CAST: variants seen among roughly 807,000 people sequenced by gnomAD.
CAST encodes MIR583 host.
CAST carries 76 observed loss-of-function variants against 119.6 expected under a neutral mutation model. The ratio of observed to expected loss-of-function variants is 0.64; its 90% confidence interval spans 0.53 to 0.77. CAST has a LOEUF of 0.77. Ranked by LOEUF, CAST falls within the 30% of genes least tolerant of loss-of-function variation. The pLI is 0.00. For synonymous variants in CAST, 319 were observed against 331.6 expected (o/e 0.96, Z 0.41); for missense variants, 953 against 946.5 (o/e 1.01, Z -0.09).
the CAST span, among the ~76,000 whole-genome samples, chr5:95,982,260 C>T: frequency 6.6e-6 from 1 of 152,002 alleles, no homozygotes; most frequent in Admixed American, 6.5e-5. Flanking sequence ...AGCTCTAATA[C>T]TGTTAACTAC....
chr5:96,581,383 T>A (rs1239184527), intron 1 of CAST, among the ~76,000 whole-genome samples: 1 of 152,128 alleles, frequency 6.6e-6, no homozygotes, highest in Non-Finnish European at 1.5e-5. Flanking sequence ...AAAAGTTTGA[T>A]AAAATCCAGT....
upstream of CAST, among the ~76,000 whole-genome samples, chr5:96,522,136 G>A (rs1745528284): frequency 1.3e-5 from 2 of 152,042 alleles, no homozygotes; most frequent in South Asian, 2.1e-4. Context: ...AATGACTAGA[G>A]AAAGGTCAAA....
chr5:96,661,419 G>GAAAAAA (rs34922511), upstream of CAST, among the ~76,000 whole-genome samples: 1 of 88,372 alleles, frequency 1.1e-5, no homozygotes. Flanking sequence ...TGCCTCTCCA[G>GAAAAAA]AAAAAAAAAA....
chr5:96,660,604 G>T (rs1236835569), upstream of CAST, among the ~76,000 whole-genome samples: 4 of 152,120 alleles, frequency 2.6e-5, no homozygotes, highest in African/African-American at 9.7e-5. Flanking sequence ...GTACTCCAGG[G>T]ATCTAAAACC....
chr5:96,686,109 AC>A (rs1752049998), intron 2 of CAST, among the ~76,000 whole-genome samples: 1 of 152,190 alleles, frequency 6.6e-6, no homozygotes, highest in African/African-American at 2.4e-5. Flanking sequence ...GGGATCAGTT[AC>A]TGATACTATT....
At chr5:96,724,759 G>A (rs1758951162) in intron 4 of CAST, among the ~76,000 whole-genome samples, 2 of 152,046 alleles carry the variant, frequency 1.3e-5, no homozygotes, top group Admixed American at 1.3e-4. Flanking sequence ...GGAGATCAAG[G>A]CTGCAGCAAG....
At chr5:96,659,048 G>A (rs750825715), upstream of CAST, among the ~76,000 whole-genome samples, 6 of 152,214 alleles carry the variant, frequency 3.9e-5, no homozygotes, top group Non-Finnish European at 7.3e-5. Flanking sequence ...AGAACAGCCA[G>A]TTGGTGGAGC....
the CAST span, among the ~76,000 whole-genome samples, chr5:96,010,042 A>G: frequency 6.6e-6 from 1 of 152,182 alleles, no homozygotes; most frequent in Non-Finnish European, 1.5e-5. Flanking sequence ...CCGTTTATTG[A>G]ATAGAGAATC....
At chr5:96,372,561 A>G in the CAST span, among the ~76,000 whole-genome samples, 1 of 152,200 alleles carries the variant, frequency 6.6e-6, no homozygotes, top group East Asian at 1.9e-4. Flanking sequence ...ATGTAATACC[A>G]TGGGACTTAG....
the CAST span, among the ~76,000 whole-genome samples, chr5:95,997,962 G>GT: frequency 0.12 from 13,398 of 109,258 alleles, 771 homozygotes; most frequent in East Asian, 0.3. Context: ...TTTGAGAGAG[G>GT]GTTTTTTTTT....
intron 1 of CAST, among the ~76,000 whole-genome samples, chr5:96,633,003 C>T (rs1211016541): frequency 6.6e-6 from 1 of 152,098 alleles, no homozygotes; most frequent in Non-Finnish European, 1.5e-5. Context: ...CAGAATTTTG[C>T]TCTAGTTGCC....
intron 16 of CAST, among the ~76,000 whole-genome samples, chr5:96,746,111 C>T (rs975928530): frequency 1.1e-4 from 16 of 152,198 alleles, no homozygotes; most frequent in Non-Finnish European, 1.9e-4. Context: ...GGGAGCAGAA[C>T]AGGGCAGTTG....
chr5:96,680,709 T>A (rs956629534), intron 2 of CAST, among the ~76,000 whole-genome samples: 3 of 152,220 alleles, frequency 2.0e-5, no homozygotes, highest in African/African-American at 7.2e-5. Flanking sequence ...GCATTTAATG[T>A]TCATTATTTT....
At chr5:95,971,985 G>C in the CAST span, among the ~76,000 whole-genome samples, 1 of 148,560 alleles carries the variant, frequency 6.7e-6, no homozygotes, top group Non-Finnish European at 1.5e-5. Context: ...TTGAAACAGG[G>C]TCCCCCTGCT....
chr5:96,326,918 T>TA, the CAST span, among the ~76,000 whole-genome samples: 5 of 152,210 alleles, frequency 3.3e-5, no homozygotes, highest in Non-Finnish European at 7.3e-5. Context: ...CCAGTGTTTT[T>TA]ATCCGTCTGC....
At chr5:96,735,438 T>G (rs1375180265) in intron 9 of CAST, among the ~76,000 whole-genome samples, 1 of 152,200 alleles carries the variant, frequency 6.6e-6, no homozygotes, top group Non-Finnish European at 1.5e-5. Context: ...AGCATTTGCC[T>G]CTGGCCATAG....
chr5:96,105,173 G>C, the CAST span, among the ~76,000 whole-genome samples: 4 of 149,636 alleles, frequency 2.7e-5, no homozygotes, highest in African/African-American at 7.4e-5. Context: ...CAATCATGTC[G>C]TCTGCAAACA....
the CAST span, among the ~76,000 whole-genome samples, chr5:96,243,782 C>T: frequency 2.6e-5 from 4 of 152,138 alleles, no homozygotes; most frequent in Non-Finnish European, 4.4e-5. Context: ...TTTAACCCTA[C>T]TTTGGGTAAA....
At chr5:96,686,063 C>T (rs890719968) in intron 2 of CAST, among the ~76,000 whole-genome samples, 4 of 152,092 alleles carry the variant, frequency 2.6e-5, no homozygotes, top group Admixed American at 6.5e-5. Flanking sequence ...GCTGCAGTTT[C>T]AGAGTCAGTG....
Sources: allele counts gnomAD v4.1 joint callset (sites outside exome capture counted in the v4.1 genomes callset), GRCh38; gene constraint gnomAD v4.1.1; transcripts MANE v1.5; gene names NCBI Gene and HGNC (gene_info 2026-07-23, HGNC 2026-07-21).